Variants in SIPA1L1 observed in about 807,000 individuals in gnomAD.
SIPA1L1 encodes the protein signal induced proliferation associated 1 like 1.
In SIPA1L1, 26 loss-of-function variants were observed where a neutral mutation model predicts 162.7. The ratio of observed to expected loss-of-function variants is 0.16; its 90% CI spans 0.12 to 0.22. The LOEUF is 0.22. Ranked by LOEUF, SIPA1L1 falls within the 10% of genes least tolerant of loss-of-function variation. The pLI is 1.00. For missense variants in SIPA1L1, 1,874 were observed against 2,241.0 expected (o/e 0.84, Z 3.31); for synonymous variants, 829 against 837.4 (o/e 0.99, Z 0.17).
intron 2 of SIPA1L1, among the ~76,000 whole-genome samples, chr14:71,483,721 C>T (rs1362641662): frequency 1.3e-5 from 2 of 152,200 alleles, no homozygotes; most frequent in African/African-American, 2.4e-5. Flanking sequence ...ATGTCACTCT[C>T]CTGCTGAAAA....
At chr14:71,463,036 G>T (rs2046725459) in intron 2 of SIPA1L1, among the ~76,000 whole-genome samples, 1 of 152,328 alleles carries the variant, frequency 6.6e-6, no homozygotes, top group South Asian at 2.1e-4. Context: ...GTCACCAGTT[G>T]GTTAAGCTTA....
At chr14:71,483,931 C>T (rs2048543260) in intron 2 of SIPA1L1, among the ~76,000 whole-genome samples, 1 of 152,146 alleles carries the variant, frequency 6.6e-6, no homozygotes, top group African/African-American at 2.4e-5. Flanking sequence ...GGCTGCATGC[C>T]CCACCTCTGC....
intron 2 of SIPA1L1, among the ~76,000 whole-genome samples, chr14:71,402,537 T>C (rs531399580): frequency 5.8e-4 from 88 of 152,154 alleles, no homozygotes; most frequent in African/African-American, 2.0e-3. Flanking sequence ...TTAGTAGAGA[T>C]AGGGTTTCAC....
At chr14:71,422,907 T>G (rs575506088) in intron 2 of SIPA1L1, among the ~76,000 whole-genome samples, 59 of 152,210 alleles carry the variant, frequency 3.9e-4, no homozygotes, top group Non-Finnish European at 7.8e-4. Context: ...GCCATAATCT[T>G]TTCTTCACAG....
At chr14:71,344,583 G>C (rs1287913196) in intron 2 of SIPA1L1, among the ~76,000 whole-genome samples, 2 of 152,096 alleles carry the variant, frequency 1.3e-5, no homozygotes, top group African/African-American at 4.8e-5. Flanking sequence ...CGAGAGAGAT[G>C]GGGTCTCAGT....
Position 71,730,041 on chromosome 14 carries a change from A to G in SIPA1L1, c.4615-14A>G. The stretch of plus-strand genomic sequence containing the variant: ...AGAAAATTGACTTTCTTTTGTCTTG[A>G]TCCTGTTTTTCAGTTCCACGCACTC... On this transcript the variant is annotated splice_polypyrimidine_tract_variant and intron_variant, in intron 19 of 23. Transcript: ENST00000381232. 3.7e-6 allele frequency: 6 copies of G among 1,609,842 alleles called. No individual in the cohort carries two copies. The highest frequency in any genetic ancestry group is 5.1e-6 in the Non-Finnish European group (6 of 1,177,310).
chr14:71,500,875 G>A lies in SIPA1L1; in HGVS notation c.-464-11868G>A, dbSNP rs550040780. Among the ~76,000 whole-genome samples the A allele has an allele frequency of 3.9e-5, 6 of 152,188 alleles. 1 individual carries two copies. The highest frequency in any genetic ancestry group is 1.9e-4 in the East Asian group (1 of 5,166). On this transcript the variant is annotated intron_variant, in intron 2 of 23. Coordinates refer to ENST00000381232, the MANE Select transcript of SIPA1L1 (RefSeq NM_001386936.1). ...TACAAAATTAGCTGGGCATGGTGGC[G>A]CATGCCTATAATCTCAGCTACTCAG...
chr14:71,597,273 C>T (rs989091471), intron 5 of SIPA1L1, among the ~76,000 whole-genome samples: 2 of 152,170 alleles, frequency 1.3e-5, no homozygotes, highest in African/African-American at 4.8e-5. Flanking sequence ...TGAGCCACTG[C>T]ACCCGCCTTA....
At chr14:71,395,295 C>T (rs972238247) in intron 2 of SIPA1L1, among the ~76,000 whole-genome samples, 4 of 152,104 alleles carry the variant, frequency 2.6e-5, no homozygotes, top group Admixed American at 6.6e-5. Flanking sequence ...TTGAGTTGTA[C>T]ATAGGCTCAT....
intron 2 of SIPA1L1, among the ~76,000 whole-genome samples, chr14:71,468,468 T>C (rs1372864319): frequency 6.6e-6 from 1 of 152,018 alleles, no homozygotes; most frequent in Non-Finnish European, 1.5e-5. Flanking sequence ...ATGGTGAGAA[T>C]GAGAGCAAGA....
At chr14:71,600,002 C>A (rs369650861) in intron 5 of SIPA1L1, among the ~76,000 whole-genome samples, 1 of 151,950 alleles carries the variant, frequency 6.6e-6, no homozygotes, top group East Asian at 1.9e-4. Flanking sequence ...CTTGTGTATT[C>A]TGGATATTAG....
chr14:71,588,290 A>G lies in SIPA1L1; in HGVS notation c.418A>G (p.Lys140Glu). The change falls in exon 5 of 24, where the codon AAA becomes GAA. Residue 140 changes from lysine to glutamate, a missense_variant. Around this residue, in one of 5 missense-constraint regions of SIPA1L1, gnomAD observed 685 missense variants for 828.0 expected, o/e 0.83. Coordinates refer to ENST00000381232, the MANE Select transcript of SIPA1L1 (RefSeq NM_001386936.1). The surrounding 1 kb of genome is among the most constrained non-coding windows in gnomAD (Gnocchi z 4.3). ...AMLKSIQNTLKNKTRPSENMD... is the reference protein window; with the variant it reads ...AMLKSIQNTLENKTRPSENMD... ...GCTGAAAAGCATACAGAACACGCTG[A>G]AAAACAAGACAAGACCGTCGGAGAA... 1 of 1,614,058 alleles carries G rather than the reference A, an allele frequency of 6.2e-7. No individual in the cohort carries two copies. The highest frequency in any genetic ancestry group is 1.6e-4 in the Middle Eastern group (1 of 6,062).
chr14:71,344,567 G>C (rs1033273670), intron 2 of SIPA1L1, among the ~76,000 whole-genome samples: 1 of 152,080 alleles, frequency 6.6e-6, no homozygotes, highest in Non-Finnish European at 1.5e-5. Context: ...CTGTCTGTCT[G>C]TCTATCGAGA....
At chr14:71,531,158 A>C (rs1394367614) in intron 4 of SIPA1L1, among the ~76,000 whole-genome samples, 1 of 152,152 alleles carries the variant, frequency 6.6e-6, no homozygotes, top group East Asian at 1.9e-4. Context: ...TTATAGATCA[A>C]TTGTGTCATT....
intron 2 of SIPA1L1, among the ~76,000 whole-genome samples, chr14:71,371,898 G>A (rs759598342): frequency 1.1e-4 from 17 of 152,096 alleles, no homozygotes; most frequent in Non-Finnish European, 2.2e-4. Context: ...AGTTCTAAGT[G>A]GCATAGTCTA....
chr14:71,379,160 A>T (rs958642566), intron 2 of SIPA1L1, among the ~76,000 whole-genome samples: 1 of 151,822 alleles, frequency 6.6e-6, no homozygotes, highest in South Asian at 2.1e-4. Context: ...TTGCTTTTCT[A>T]TCTGTCAGAA....
chr14:71,520,239 T>G (rs1363081135), intron 3 of SIPA1L1, among the ~76,000 whole-genome samples: 2 of 152,138 alleles, frequency 1.3e-5, no homozygotes, highest in Non-Finnish European at 2.9e-5. Context: ...AAAGAATAAA[T>G]TACAGTGGTG....
intron 22 of SIPA1L1, chr14:71,735,607 T>G: frequency 1.3e-5 from 6 of 459,426 alleles, no homozygotes; most frequent in Non-Finnish European, 1.9e-5. Context: ...TAATGATGAA[T>G]ATTCATTATT....
chr14:71,720,027 C>T (rs2083578313), intron 17 of SIPA1L1, among the ~76,000 whole-genome samples: 1 of 151,992 alleles, frequency 6.6e-6, no homozygotes, highest in African/African-American at 2.4e-5. Flanking sequence ...ATTGGAGCTC[C>T]CTTTTATTTT....
Sources: gnomAD v4.1 joint callset for allele counts (sites outside exome capture counted in the v4.1 genomes callset) on GRCh38, gnomAD v4.1.1 for gene constraint, gnomAD v4.1.1 regional missense constraint, Gnocchi (gnomAD v3.1) non-coding constraint, MANE v1.5 for transcripts, NCBI Gene and HGNC (gene_info 2026-07-23, HGNC 2026-07-21) for gene names.